Variants in CDX1 observed in about 807,000 individuals in gnomAD.
CDX1 encodes the protein caudal type homeobox 1, also known as homeobox protein CDX-1.
A neutral mutation model predicts 16.9 loss-of-function variants in CDX1; 9 were observed. The observed-to-expected ratio is 0.53, with a 90% CI of 0.32 to 0.93. The LOEUF (loss-of-function observed/expected upper bound fraction) is 0.93, where lower values mean the gene tolerates loss of function less well. Ranked by LOEUF, CDX1 falls within the 40% of genes least tolerant of loss-of-function variation. CDX1 has a pLI of 0.04. For synonymous variants in CDX1, 179 were observed against 179.0 expected (o/e 1.00, Z 0.00); for missense variants, 393 against 386.1 (o/e 1.02, Z -0.15).
rs186367430 is a variant in CDX1, at chr5:150,172,929, G to A, written c.445+5608G>A. On this transcript the variant is annotated intron_variant, in intron 1 of 2. Coordinates refer to ENST00000231656, the MANE Select transcript of CDX1 (RefSeq NM_001804.3). ...CCATAGGAAGTTATCTTAATGGGCC[G>A]GCCTCTCAGGTTTTTGTGTTGGAGC... Among the ~76,000 whole-genome samples, 58 of 152,212 alleles carry A rather than the reference G, an allele frequency of 3.8e-4. 1 individual carries two copies. In the East Asian group the frequency reaches 0.01, roughly 26 times the overall value.
Position 150,183,694 on chromosome 5 carries a change from C to T in CDX1, c.*14C>T. 1 of 1,529,290 alleles carries T rather than the reference C, an allele frequency of 6.5e-7. No homozygotes were observed. The highest frequency in any genetic ancestry group is 8.8e-7 in the Non-Finnish European group (1 of 1,133,990). The allele number at this position is 1,529,290 out of a possible 1,614,324, so 94.7% of individuals were successfully genotyped here. ...TTTCTGCCATAGCCCCATGCCCAGC[C>T]TGTGCGCCGGGGGACCTGGGGACTC... On this transcript the variant is annotated 3_prime_UTR_variant, in exon 3 of 3. Transcript: ENST00000231656.
chr5:150,183,803 AC>A lies in CDX1; in HGVS notation c.*125del. On this transcript the variant is annotated 3_prime_UTR_variant, in exon 3 of 3. Coordinates refer to ENST00000231656, the MANE Select transcript of CDX1 (RefSeq NM_001804.3). ...ACCTTCTGGGACATGGTGGACAGTC[AC>A]CTATCCACCCTCTGCATCCCCTTGG... 2 of 716,304 alleles carry A rather than the reference AC, an allele frequency of 2.8e-6. No individual in the cohort carries two copies. Among genetic ancestry groups the A allele is most frequent in the Non-Finnish European group, 4.4e-6 (2 of 450,286 alleles). 44.4% of individuals were successfully genotyped at this position (716,304 alleles called of 1,614,324 possible).
chr5:150,177,419 A>G (rs546769789), intron 1 of CDX1, among the ~76,000 whole-genome samples: 1 of 152,324 alleles, frequency 6.6e-6, no homozygotes, highest in South Asian at 2.1e-4. Flanking sequence ...GCCCTTCCCC[A>G]TGCACCTCCT....
chr5:150,183,502 CA>C lies in CDX1; in HGVS notation c.623del (p.Lys208ArgfsTer5). The C allele has an allele frequency of 6.2e-7, 1 of 1,608,726 alleles. No homozygotes were observed. Among genetic ancestry groups the C allele is most frequent in the South Asian group, 1.1e-5 (1 of 90,436 alleles). ...QVKIWFQNRR[A>X]KERKVNKKKQ... ...AAGATCTGGTTCCAAAACCGGCGGG[CA>C]AAGGAGCGCAAAGTGAACAAGAAGA... On this transcript the variant is annotated frameshift_variant, in exon 3 of 3. Coordinates refer to ENST00000231656, the MANE Select transcript of CDX1 (RefSeq NM_001804.3). LOFTEE classifies it low-confidence loss of function (END_TRUNC).
chr5:150,171,875 C>A (rs540795655), intron 1 of CDX1, among the ~76,000 whole-genome samples: 1 of 152,356 alleles, frequency 6.6e-6, no homozygotes, highest in East Asian at 1.9e-4. Context: ...TCTGCTGTAA[C>A]AGGATAATAA....
In CDX1 at chr5:150,167,270, C is replaced by T. The variant is rs1435595357; in HGVS notation, c.394C>T (p.Pro132Ser). 7.9e-7 allele frequency: 1 copy of T among 1,268,256 alleles called. No individual in the cohort carries two copies. The highest frequency in any genetic ancestry group is 9.9e-7 in the Non-Finnish European group (1 of 1,013,058). 78.6% of individuals were successfully genotyped at this position (1,268,256 alleles called of 1,614,324 possible). The part of the protein sequence containing the change: ...PSSPGAQRPT[P>S]YEWMRRSVAA... ...CTCGCCCGGAGCGCAGAGGCCGACG[C>T]CCTACGAGTGGATGCGGCGCAGCGT... is the stretch of plus-strand genomic sequence containing the variant. The change falls in exon 1 of 3, where the codon CCC becomes TCC. Residue 132 changes from proline to serine, a missense_variant. Transcript: ENST00000231656.
At position 150,174,992 on chromosome 5, in the gene CDX1, G is replaced by T. The variant is rs545871298; in HGVS notation, c.445+7671G>T. Among the ~76,000 whole-genome samples the T allele has an allele frequency of 2.6e-5, 4 of 152,126 alleles. No individual in the cohort carries two copies. In the South Asian group the frequency reaches 6.2e-4, roughly 24 times the overall value. ...GAGTTTCATCATGTTGGTCAGGCTG[G>T]TCTCGAACTCCTGACCTCAGGTGAT... On this transcript the variant is annotated intron_variant, in intron 1 of 2. Coordinates refer to ENST00000231656, the MANE Select transcript of CDX1 (RefSeq NM_001804.3).
chr5:150,182,969 G>C, intron 2 of CDX1, 56 bp downstream of exon 2: 1 of 1,539,878 alleles, frequency 6.5e-7, no homozygotes, highest in Non-Finnish European at 8.7e-7. Context: ...CTGGTCTCCA[G>C]GCTGCCAGGC....
intron 1 of CDX1, among the ~76,000 whole-genome samples, chr5:150,171,391 A>G (rs906624331): frequency 2.5e-4 from 38 of 152,092 alleles, no homozygotes; most frequent in Admixed American, 1.3e-4. Flanking sequence ...GCTGGAGTAC[A>G]GTGGTGCGAT....
At chr5:150,169,696 G>C (rs760388482) in intron 1 of CDX1, among the ~76,000 whole-genome samples, 1 of 152,194 alleles carries the variant, frequency 6.6e-6, no homozygotes, top group Non-Finnish European at 1.5e-5. Context: ...GTCCAGGACA[G>C]CTGAAGGAGG....
chr5:150,171,018 G>T (rs1185655596), intron 1 of CDX1, among the ~76,000 whole-genome samples: 2 of 152,166 alleles, frequency 1.3e-5, no homozygotes, highest in African/African-American at 2.4e-5. Context: ...GGTGGCTGAG[G>T]TCTCAGGACT....
chr5:150,174,318 C>T (rs895675731), intron 1 of CDX1, among the ~76,000 whole-genome samples: 10 of 152,350 alleles, frequency 6.6e-5, no homozygotes, highest in Middle Eastern at 3.4e-3. Flanking sequence ...TCAAGTTCTT[C>T]GGCCTCAGAG....
chr5:150,171,488 G>C (rs1472959593), intron 1 of CDX1, among the ~76,000 whole-genome samples: 3 of 152,176 alleles, frequency 2.0e-5, no homozygotes, highest in Non-Finnish European at 2.9e-5. Context: ...AGCGCACGCT[G>C]TCATGCCCGG....
At chr5:150,173,204 CTCAT>C (rs747972930) in intron 1 of CDX1, among the ~76,000 whole-genome samples, 2 of 152,228 alleles carry the variant, frequency 1.3e-5, no homozygotes, top group Non-Finnish European at 2.9e-5. Context: ...TTGTGCCTCT[CTCAT>C]TCATTCATTC....
chr5:150,182,706 G>T, intron 1 of CDX1, 62 bp from the exon 2 acceptor site: 2 of 1,482,142 alleles, frequency 1.3e-6, no homozygotes. Flanking sequence ...GTCCTGCCTG[G>T]GCCTTTTTTG....
At chr5:150,175,836 T>C (rs1443474067) in intron 1 of CDX1, among the ~76,000 whole-genome samples, 1 of 152,178 alleles carries the variant, frequency 6.6e-6, no homozygotes, top group Non-Finnish European at 1.5e-5. Flanking sequence ...GCCCTATGGC[T>C]CCCCATTAGG....
At chr5:150,177,430 G>C (rs543612303) in intron 1 of CDX1, among the ~76,000 whole-genome samples, 1 of 152,306 alleles carries the variant, frequency 6.6e-6, no homozygotes, top group South Asian at 2.1e-4. Flanking sequence ...TGCACCTCCT[G>C]CATGCTAGAC....
intron 1 of CDX1, among the ~76,000 whole-genome samples, chr5:150,176,442 G>GGCATC (rs1394617098): frequency 1.3e-5 from 2 of 152,166 alleles, no homozygotes; most frequent in Admixed American, 1.3e-4. Context: ...TTCCTAGGCT[G>GGCATC]GCATCACAGA....
At chr5:150,179,552 A>G (rs1761614317) in intron 1 of CDX1, among the ~76,000 whole-genome samples, 1 of 152,186 alleles carries the variant, frequency 6.6e-6, no homozygotes, top group South Asian at 2.1e-4. Flanking sequence ...CCCACCTATG[A>G]AATGGCTCTC....
Sources: gnomAD v4.1 joint callset for allele counts (sites outside exome capture counted in the v4.1 genomes callset) on GRCh38, gnomAD v4.1.1 for gene constraint, MANE v1.5 for transcripts, NCBI Gene and HGNC (gene_info 2026-07-23, HGNC 2026-07-21) for gene names.